The following POU6F2 variants were observed in gnomAD, a reference collection of about 807,000 sequenced individuals.
POU6F2 encodes the protein POU class 6 homeobox 2.
POU6F2 carries 31 observed loss-of-function variants against 71.3 expected under a neutral mutation model. The ratio of observed to expected loss-of-function variants is 0.43; its 90% CI spans 0.33 to 0.59. The LOEUF is 0.59. Among genes scored for constraint, POU6F2 ranks in the 20% least tolerant of loss-of-function variants. The probability of loss-of-function intolerance (pLI) is 0.04; values close to 1 mark genes in which losing one functional copy is unlikely to be tolerated. For synonymous variants in POU6F2, 347 were observed against 355.7 expected, an observed-to-expected ratio of 0.98 and a Z score of 0.27; for missense variants, 783 against 856.8, an observed-to-expected ratio of 0.91 and a Z score of 1.07.
At chr7:39,176,782 AC>A (rs1363215945) in intron 2 of POU6F2, among the ~76,000 whole-genome samples, 1 of 152,226 alleles carries the variant, frequency 6.6e-6, no homozygotes, top group Non-Finnish European at 1.5e-5. Flanking sequence ...TTTTCCAAAT[AC>A]CGTGAAAACA....
chr7:39,353,454 G>A (rs1314016159), intron 5 of POU6F2, among the ~76,000 whole-genome samples: 1 of 152,180 alleles, frequency 6.6e-6, no homozygotes, highest in African/African-American at 2.4e-5. Context: ...ATATTTGTAT[G>A]TATGCATACT....
At chr7:39,332,858 G>A (rs1785684483) in intron 4 of POU6F2, among the ~76,000 whole-genome samples, 2 of 152,210 alleles carry the variant, frequency 1.3e-5, no homozygotes, top group Admixed American at 6.5e-5. Flanking sequence ...AGAGCTCAGT[G>A]TTTTGGGGTG....
At chr7:39,029,500 G>T (rs916344492) in intron 1 of POU6F2, among the ~76,000 whole-genome samples, 3 of 151,122 alleles carry the variant, frequency 2.0e-5, no homozygotes, top group Non-Finnish European at 4.4e-5. Flanking sequence ...GGGAGGGGGG[G>T]GTGGATGATG....
At chr7:39,120,933 C>G (rs747808367) in intron 2 of POU6F2, 3 of 152,156 alleles carry the variant, frequency 2.0e-5, no homozygotes, top group Non-Finnish European at 4.4e-5. Context: ...GTGGCTCTTT[C>G]TAGTCCATTT....
chr7:39,304,416 A>G (rs1049053797), intron 4 of POU6F2, among the ~76,000 whole-genome samples: 28 of 152,312 alleles, frequency 1.8e-4, no homozygotes, highest in Admixed American at 3.9e-4. Flanking sequence ...ACGGTTCACC[A>G]TGACTAACTC....
chr7:39,105,943 G>T (rs931740978), intron 2 of POU6F2, among the ~76,000 whole-genome samples: 27 of 152,284 alleles, frequency 1.8e-4, no homozygotes, highest in African/African-American at 6.0e-4. Context: ...GTTCCCAAGT[G>T]GGGAGGTGGG....
chr7:39,228,925 A>G (rs1467557424), intron 4 of POU6F2, among the ~76,000 whole-genome samples: 2 of 152,166 alleles, frequency 1.3e-5, no homozygotes, highest in Admixed American at 1.3e-4. Flanking sequence ...GAAAGTGTCA[A>G]TGGGGTAAAC....
intron 2 of POU6F2, among the ~76,000 whole-genome samples, chr7:39,089,203 C>T (rs1413286382): frequency 1.3e-5 from 2 of 152,226 alleles, no homozygotes; most frequent in Non-Finnish European, 2.9e-5. Flanking sequence ...GATGAATCCA[C>T]ATTTCACTGA....
At chr7:38,996,643 C>G (rs1788746670) in intron 1 of POU6F2, among the ~76,000 whole-genome samples, 1 of 152,190 alleles carries the variant, frequency 6.6e-6, no homozygotes, top group Non-Finnish European at 1.5e-5. Context: ...TCCTACAAAT[C>G]CACTCCACCT....
rs377320023 is a variant in POU6F2, at chr7:39,301,288, G to A, written c.599-38354G>A. Among the ~76,000 whole-genome samples, 27 of 152,254 alleles carry A rather than the reference G, an allele frequency of 1.8e-4. No homozygotes were observed. In the East Asian group the frequency reaches 4.6e-3, roughly 26 times the overall value. On this transcript the variant is annotated intron_variant, in intron 4 of 9. Transcript: ENST00000518318. ...CTTGCAAATCATGGCATCCAGAACT[G>A]AACACAATATTCCCCTGTAGGATCT... is the stretch of plus-strand genomic sequence containing the variant.
chr7:39,105,775 C>A (rs778999307), intron 2 of POU6F2, among the ~76,000 whole-genome samples: 1 of 152,170 alleles, frequency 6.6e-6, no homozygotes, highest in African/African-American at 2.4e-5. Flanking sequence ...AAGTCATGAA[C>A]TTAGTACTGA....
intron 5 of POU6F2, among the ~76,000 whole-genome samples, chr7:39,346,150 C>T (rs889622417): frequency 3.3e-5 from 5 of 152,126 alleles, no homozygotes; most frequent in East Asian, 1.9e-4. Context: ...ATTTATTACA[C>T]GCATTTGAGA....
At chr7:39,250,687 A>C (rs543003951) in intron 4 of POU6F2, among the ~76,000 whole-genome samples, 4 of 152,236 alleles carry the variant, frequency 2.6e-5, no homozygotes, top group Non-Finnish European at 5.9e-5. Flanking sequence ...AGATGGCAGA[A>C]TTGCTTAGCC....
chr7:39,290,141 A>G, intron 4 of POU6F2, among the ~76,000 whole-genome samples: 1 of 152,220 alleles, frequency 6.6e-6, no homozygotes, highest in East Asian at 1.9e-4. Flanking sequence ...ACACAGATAT[A>G]CAAGTTTTAA....
intron 7 of POU6F2, among the ~76,000 whole-genome samples, chr7:39,441,752 G>A (rs893420541): frequency 2.6e-5 from 4 of 152,186 alleles, no homozygotes; most frequent in African/African-American, 9.7e-5. Context: ...ATGTTGAAAT[G>A]AGCTCCTTAA....
intron 4 of POU6F2, among the ~76,000 whole-genome samples, chr7:39,328,744 G>A (rs906291928): frequency 2.0e-5 from 3 of 152,196 alleles, no homozygotes; most frequent in African/African-American, 7.2e-5. Flanking sequence ...GTTGCAAGAT[G>A]AGTATAAATA....
chr7:39,174,339 CTG>C (rs1244941052), intron 2 of POU6F2, among the ~76,000 whole-genome samples: 1 of 152,156 alleles, frequency 6.6e-6, no homozygotes. Flanking sequence ...TGCCACTTCT[CTG>C]TATTGACTTT....
chr7:39,317,694 C>G (rs921172007), intron 4 of POU6F2, among the ~76,000 whole-genome samples: 1 of 152,074 alleles, frequency 6.6e-6, no homozygotes, highest in Admixed American at 6.5e-5. Flanking sequence ...GAATTCTAAG[C>G]CAATAAATGA....
intron 2 of POU6F2, among the ~76,000 whole-genome samples, chr7:39,144,988 C>T (rs1235731477): frequency 6.6e-6 from 1 of 152,162 alleles, no homozygotes; most frequent in Non-Finnish European, 1.5e-5. Flanking sequence ...AGATTGATGG[C>T]TTCTGCAATG....
Sources: gnomAD v4.1 joint callset for allele counts (sites outside exome capture counted in the v4.1 genomes callset) on GRCh38, gnomAD v4.1.1 for gene constraint, MANE v1.5 for transcripts, NCBI Gene and HGNC (gene_info 2026-07-23, HGNC 2026-07-21) for gene names.